ABCG8: variants seen among roughly 807,000 people sequenced by gnomAD.
ABCG8 encodes the protein ATP-binding cassette sub-family G member 8.
In ABCG8, 81 loss-of-function variants were observed where a neutral mutation model predicts 71.3. The ratio of observed to expected loss-of-function variants is 1.14; its 90% confidence interval spans 0.95 to 1.37. The LOEUF (loss-of-function observed/expected upper bound fraction) is 1.37, where lower values mean the gene tolerates loss of function less well. Ranked by LOEUF, ABCG8 falls within the 40% of genes most tolerant of loss-of-function variation. ABCG8 has a pLI of 0.00. For missense variants in ABCG8, 1,119 were observed against 866.2 expected (o/e 1.29, Z -3.66); for synonymous variants, 451 against 354.7 (o/e 1.27, Z -3.05).
rs879383949 is a variant in ABCG8, at chr2:43,844,522, T to G, written c.79T>G (p.Leu27Val). 1.9e-6 allele frequency: 3 copies of G among 1,614,014 alleles called. No individual in the cohort carries two copies. The highest frequency in any genetic ancestry group is 1.3e-5 in the African/African-American group (1 of 74,946). Residue 27 changes from leucine (L) to valine (V), a missense_variant, in exon 2 of 13, where the codon TTG becomes GTG. By Grantham distance (32) the Leu-to-Val change is conservative. Transcript: ENST00000272286. ...TCTCCCACAGGGCCTCCAGGATAGATTGTTCTCCTCTGAAAGTGACAACAG... is the reference window on the plus strand; with the variant it reads ...TCTCCCACAGGGCCTCCAGGATAGAGTGTTCTCCTCTGAAAGTGACAACAG... Reference protein sequence around the residue: ...PQDTSGLQDRLFSSESDNSLY... With the variant: ...PQDTSGLQDRVFSSESDNSLY...
At chr2:43,870,153 C>A (rs1244224762) in intron 6 of ABCG8, among the ~76,000 whole-genome samples, 1 of 152,064 alleles carries the variant, frequency 6.6e-6, no homozygotes, top group African/African-American at 2.4e-5. Flanking sequence ...CTCTCACTAC[C>A]TGTCTCGATA....
chr2:43,875,432 G>A lies in ABCG8; in HGVS notation c.1756+19G>A, dbSNP rs766528203. The A allele has an allele frequency of 3.1e-6, 5 of 1,609,044 alleles. No individual in the cohort carries two copies. Among genetic ancestry groups the A allele is most frequent in the South Asian group, 1.1e-5 (1 of 90,968 alleles). On this transcript the variant is annotated intron_variant, in intron 11 of 12. Coordinates refer to ENST00000272286, the MANE Select transcript of ABCG8 (RefSeq NM_022437.3). ...TGGACAGGTAAGGCCTGCCCCCGGG[G>A]CCTGGGCCAGCTTTGTTAGGACTCA...
chr2:43,861,518 C>A (rs1156644248), intron 6 of ABCG8, among the ~76,000 whole-genome samples: 1 of 150,964 alleles, frequency 6.6e-6, no homozygotes, highest in Non-Finnish European at 1.5e-5. Context: ...GGATAAAACT[C>A]TATCTGTCTG....
At chr2:43,864,336 C>G (rs552747177) in intron 6 of ABCG8, among the ~76,000 whole-genome samples, 3 of 151,682 alleles carry the variant, frequency 2.0e-5, no homozygotes, top group African/African-American at 7.2e-5. Flanking sequence ...ATAGAATTTT[C>G]ACTCTCTGGA....
intron 1 of ABCG8, among the ~76,000 whole-genome samples, chr2:43,839,457 C>T (rs1324395922): frequency 5.1e-5 from 5 of 97,460 alleles, no homozygotes; most frequent in African/African-American, 7.8e-5. Context: ...GACGGAGTCT[C>T]GCTCTGTTGC....
chr2:43,875,029 G>C, intron 10 of ABCG8, 117 bp from the exon 11 acceptor site: 5 of 1,444,634 alleles, frequency 3.5e-6, no homozygotes, highest in Non-Finnish European at 4.8e-6. Context: ...TCCTGCCACA[G>C]CCTCATCATC....
At chr2:43,844,636 G>A in intron 2 of ABCG8, 28 bp downstream of exon 2, 2 of 1,570,074 alleles carry the variant, frequency 1.3e-6, no homozygotes, top group Non-Finnish European at 1.8e-6. Context: ...TTCAAGGGGA[G>A]AGGAGCAGGC....
At chr2:43,851,845 G>A in intron 4 of ABCG8, 23 bp downstream of exon 4, 1 of 1,611,944 alleles carries the variant, frequency 6.2e-7, no homozygotes, top group Non-Finnish European at 8.5e-7. Flanking sequence ...CCCCAGTGGT[G>A]ACCCCCAGGT....
At chr2:43,861,490 A>G (rs1368691778) in intron 6 of ABCG8, among the ~76,000 whole-genome samples, 3 of 151,394 alleles carry the variant, frequency 2.0e-5, no homozygotes, top group Non-Finnish European at 4.4e-5. Context: ...ATCTATCTGG[A>G]TAGAATTCTC....
chr2:43,863,506 C>G (rs1669407643), intron 6 of ABCG8, among the ~76,000 whole-genome samples: 1 of 150,872 alleles, frequency 6.6e-6, no homozygotes, highest in South Asian at 2.1e-4. Context: ...CTCTTAGTAT[C>G]TGGAAAGAAC....
intron 2 of ABCG8, 53 bp from the exon 3 acceptor site, chr2:43,846,102 A>G: frequency 6.2e-7 from 1 of 1,603,882 alleles, no homozygotes; most frequent in Non-Finnish European, 8.5e-7. Flanking sequence ...GAAGTTGCTG[A>G]AGCCCTCTGA....
At chr2:43,872,589 G>A (rs1287549346) in intron 8 of ABCG8, among the ~76,000 whole-genome samples, 1 of 152,070 alleles carries the variant, frequency 6.6e-6, no homozygotes, top group Non-Finnish European at 1.5e-5. Flanking sequence ...CAGTTATGGT[G>A]GCGTGGGCCT....
At chr2:43,863,444 G>C (rs1669405115) in intron 6 of ABCG8, among the ~76,000 whole-genome samples, 1 of 150,142 alleles carries the variant, frequency 6.7e-6, no homozygotes, top group South Asian at 2.1e-4. Flanking sequence ...CTCACTAACT[G>C]GATAGAATTC....
chr2:43,851,636 C>G lies in ABCG8; in HGVS notation c.375C>G (p.Gly125=), dbSNP rs1234925920. 6.2e-7 allele frequency: 1 copy of G among 1,614,242 alleles called. No homozygotes were observed. Among genetic ancestry groups the G allele is most frequent in the Non-Finnish European group, 8.5e-7 (1 of 1,180,048 alleles). The change falls in exon 4 of 13, where the codon GGC becomes GGG. Residue 125 remains glycine, a synonymous_variant. Coordinates refer to ENST00000272286, the MANE Select transcript of ABCG8 (RefSeq NM_022437.3). ...LDVITGRGHG[G]KIKSGQIWIN... is the part of the protein sequence containing the mutation. ...TGATCACTGGCCGAGGTCACGGCGG[C>G]AAGATCAAGTCAGGCCAGATCTGGA...
chr2:43,842,975 C>G (rs1444016864), intron 1 of ABCG8, among the ~76,000 whole-genome samples: 3 of 152,142 alleles, frequency 2.0e-5, no homozygotes, highest in Non-Finnish European at 4.4e-5. Context: ...ACTTCTGGCC[C>G]CCATCATTGC....
At chr2:43,876,420 T>TGGGGAGACTGAATACG (rs1047424449) in intron 11 of ABCG8, among the ~76,000 whole-genome samples, 1 of 151,924 alleles carries the variant, frequency 6.6e-6, no homozygotes, top group Non-Finnish European at 1.5e-5. Context: ...CATGGGAATA[T>TGGGGAGACTGAATACG]GGGGAGACTG....
At chr2:43,856,442 C>T (rs1044064089) in intron 6 of ABCG8, among the ~76,000 whole-genome samples, 9 of 151,992 alleles carry the variant, frequency 5.9e-5, no homozygotes, top group Admixed American at 2.0e-4. Flanking sequence ...AGAATTTTCA[C>T]CATCTGGATA....
chr2:43,852,312 G>A (rs745819839), intron 4 of ABCG8, 42 bp from the exon 5 acceptor site: 5 of 1,611,538 alleles, frequency 3.1e-6, no homozygotes, highest in Non-Finnish European at 4.2e-6. Flanking sequence ...CAGCCCTGAA[G>A]GAGGCCCCTG....
intron 5 of ABCG8, 31 bp from the exon 6 acceptor site, chr2:43,852,568 G>A (rs772017110): frequency 6.2e-6 from 10 of 1,613,816 alleles, no homozygotes; most frequent in South Asian, 1.1e-5. Flanking sequence ...GAGCCCCACC[G>A]ACTCACCAGG....
Sources: gnomAD v4.1 joint callset for allele counts (sites outside exome capture counted in the v4.1 genomes callset) on GRCh38, gnomAD v4.1.1 for gene constraint, MANE v1.5 for transcripts, NCBI Gene and HGNC (gene_info 2026-07-23, HGNC 2026-07-21) for gene names.